The following IL23R variants were observed in gnomAD, a reference collection of about 807,000 sequenced individuals.
IL23R encodes the protein interleukin 23 receptor, also known as interleukin-23 receptor.
IL23R carries 34 observed loss-of-function variants against 56.9 expected under a neutral mutation model. The observed-to-expected ratio is 0.60, with a 90% CI of 0.45 to 0.80. The LOEUF is 0.80. Ranked by LOEUF, IL23R falls within the 30% of genes least tolerant of loss-of-function variation. The pLI is 0.00. For synonymous variants in IL23R, 230 were observed against 249.2 expected, an observed-to-expected ratio of 0.92 and a Z score of 0.73; for missense variants, 635 against 730.0, an observed-to-expected ratio of 0.87 and a Z score of 1.50.
At chr1:67,160,455 A>C (rs1156820313) in intron 1 of IL23R, among the ~76,000 whole-genome samples, 1 of 152,216 alleles carries the variant, frequency 6.6e-6, no homozygotes, top group African/African-American at 2.4e-5. Context: ...TTTCATTTGA[A>C]TAGATGGCAC....
At chr1:67,260,379 T>C (rs1423454910), downstream of IL23R, among the ~76,000 whole-genome samples, 2 of 152,132 alleles carry the variant, frequency 1.3e-5, no homozygotes, top group Admixed American at 6.5e-5. Flanking sequence ...AGATATATGT[T>C]AGAAAATTAT....
chr1:67,263,087 T>C (rs1252025235), downstream of IL23R, among the ~76,000 whole-genome samples: 1 of 150,156 alleles, frequency 6.7e-6, no homozygotes, highest in Non-Finnish European at 1.5e-5. Context: ...TGTGTGCGTG[T>C]GTGTGTTTAA....
At chr1:67,264,384 A>G (rs1294200991), downstream of IL23R, among the ~76,000 whole-genome samples, 1 of 152,226 alleles carries the variant, frequency 6.6e-6, no homozygotes, top group African/African-American at 2.4e-5. Context: ...GCTGTGGTTT[A>G]TCTCTTTATG....
chr1:67,170,587 T>C (rs943904007), intron 3 of IL23R, among the ~76,000 whole-genome samples: 1 of 152,080 alleles, frequency 6.6e-6, no homozygotes, highest in Admixed American at 6.6e-5. Flanking sequence ...CTAGTTTGGG[T>C]TCTACTATTA....
chr1:67,236,134 C>G (rs1480994514), intron 7 of IL23R, among the ~76,000 whole-genome samples: 1 of 152,188 alleles, frequency 6.6e-6, no homozygotes, highest in African/African-American at 2.4e-5. Context: ...TCCTGACAGC[C>G]TTTATAACTA....
At position 67,183,496 on chromosome 1, in the gene IL23R, C is replaced by T. The variant is rs570395317; in HGVS notation, c.491+537C>T. ...GTTGCAGTGAGCCGAGACTGTGCCA[C>T]TGCACTCTAGCCTGGGCGACAGAAC... On this transcript the variant is annotated intron_variant, in intron 4 of 10. Coordinates refer to ENST00000347310, the MANE Select transcript of IL23R (RefSeq NM_144701.3). 5.9e-5 allele frequency among the ~76,000 whole-genome samples: 9 copies of T among 152,298 alleles called. No individual in the cohort carries two copies. In the South Asian group the frequency reaches 1.9e-3, roughly 32 times the overall value.
chr1:67,262,604 C>G (rs1653228450), downstream of IL23R, among the ~76,000 whole-genome samples: 1 of 152,182 alleles, frequency 6.6e-6, no homozygotes, highest in East Asian at 1.9e-4. Flanking sequence ...TTATCTTCCA[C>G]CCTGACCACT....
chr1:67,148,321 G>A (rs1646700210), intron 1 of IL23R, among the ~76,000 whole-genome samples: 1 of 152,230 alleles, frequency 6.6e-6, no homozygotes, highest in African/African-American at 2.4e-5. Flanking sequence ...ATTTAATAGA[G>A]TGAAAACAGA....
At chr1:67,144,793 C>T (rs937430107) in intron 1 of IL23R, among the ~76,000 whole-genome samples, 4 of 152,138 alleles carry the variant, frequency 2.6e-5, no homozygotes, top group Admixed American at 1.3e-4. Flanking sequence ...TCTTTCCCTA[C>T]ATAATCTCAC....
intron 7 of IL23R, among the ~76,000 whole-genome samples, chr1:67,222,102 CTTTTTTTTTTTT>C (rs72241835): frequency 2.0e-4 from 12 of 58,900 alleles, no homozygotes; most frequent in South Asian, 9.2e-4. Context: ...TTCTTTCTTT[CTTTTTTTTTTTT>C]TTTTTTTTTT....
At chr1:67,207,631 C>T (rs186085798) in intron 6 of IL23R, 1 of 403,918 alleles carries the variant, frequency 2.5e-6, no homozygotes, top group Admixed American at 2.8e-5. Flanking sequence ...TTTCTCTTGC[C>T]ACCACTAAGT....
At chr1:67,147,682 C>T (rs1023282875) in intron 1 of IL23R, among the ~76,000 whole-genome samples, 32 of 151,866 alleles carry the variant, frequency 2.1e-4, no homozygotes, top group African/African-American at 7.5e-4. Context: ...CCAGCCTGGG[C>T]GACAGAGCAG....
At chr1:67,160,185 C>T (rs549579858) in intron 1 of IL23R, among the ~76,000 whole-genome samples, 1 of 152,230 alleles carries the variant, frequency 6.6e-6, no homozygotes, top group South Asian at 2.1e-4. Flanking sequence ...TTTTCAAGCT[C>T]ATTCCTGCAT....
intron 4 of IL23R, among the ~76,000 whole-genome samples, chr1:67,199,010 A>C (rs1451223708): frequency 6.6e-6 from 1 of 152,110 alleles, no homozygotes; most frequent in Non-Finnish European, 1.5e-5. Flanking sequence ...ATTCTGGATT[A>C]TTGTATAGCC....
chr1:67,142,250 G>C lies in IL23R; in HGVS notation c.-634+3089G>C, dbSNP rs72676050. 4.6e-3 allele frequency among the ~76,000 whole-genome samples: 692 copies of C among 151,992 alleles called. 1 individual carries two copies. Among genetic ancestry groups the C allele is most frequent in the Non-Finnish European group, 7.4e-3 (506 of 67,956 alleles). Reference sequence around the variant, plus strand: ...CCAAGTGAGATCCTTTCTCAAAAAAGTAAAAGATAAAAAATTAAATTAAAA... The same window carrying C: ...CCAAGTGAGATCCTTTCTCAAAAAACTAAAAGATAAAAAATTAAATTAAAA... On this transcript the variant is annotated intron_variant, in intron 1 of 10. Transcript: ENST00000637002.
At chr1:67,222,512 T>A (rs1650357036) in intron 7 of IL23R, among the ~76,000 whole-genome samples, 1 of 152,238 alleles carries the variant, frequency 6.6e-6, no homozygotes, top group Non-Finnish European at 1.5e-5. Context: ...TCGTGGACTT[T>A]AGATGCCATT....
chr1:67,259,255 CA>C lies in IL23R; in HGVS notation c.*128del. The C allele has an allele frequency of 1.1e-6, 1 of 883,624 alleles. No individual in the cohort carries two copies. Among genetic ancestry groups the C allele is most frequent in the Non-Finnish European group, 1.8e-6 (1 of 550,014 alleles). The allele number at this position is 883,624 out of a possible 1,614,324, so 54.7% of individuals were successfully genotyped here. ...ATTCACATACAAATCTTCACATGGACACATGTTTTCATTTCCCTTGGATAAA... is the reference window on the plus strand; with the variant it reads ...ATTCACATACAAATCTTCACATGGACCATGTTTTCATTTCCCTTGGATAAA... On this transcript the variant is annotated 3_prime_UTR_variant, in exon 11 of 11. Coordinates refer to ENST00000347310, the MANE Select transcript of IL23R (RefSeq NM_144701.3).
At chr1:67,169,966 C>T (rs1475253413) in intron 3 of IL23R, among the ~76,000 whole-genome samples, 1 of 152,190 alleles carries the variant, frequency 6.6e-6, no homozygotes, top group Non-Finnish European at 1.5e-5. Context: ...TTCACCTCTA[C>T]CCTGAACGAA....
chr1:67,263,173 A>G (rs1044775908), downstream of IL23R, among the ~76,000 whole-genome samples: 2 of 121,824 alleles, frequency 1.6e-5, no homozygotes, highest in Non-Finnish European at 3.5e-5. Flanking sequence ...AGCTCACCAC[A>G]GCCTCAACCT....
Sources: allele counts gnomAD v4.1 joint callset (sites outside exome capture counted in the v4.1 genomes callset), GRCh38; gene constraint gnomAD v4.1.1; transcripts MANE v1.5; gene names NCBI Gene and HGNC (gene_info 2026-07-23, HGNC 2026-07-21).